The following NRXN3 variants were observed in gnomAD, a reference collection of about 807,000 sequenced individuals.
NRXN3 encodes neurexin 3.
A neutral mutation model predicts 137.6 loss-of-function variants in NRXN3; 32 were observed. That is an observed-to-expected ratio of 0.23 (90% CI 0.18 to 0.31). NRXN3 has a LOEUF of 0.31. NRXN3 is among the 10% of genes least tolerant of loss of function. The pLI, the probability that NRXN3 is intolerant of heterozygous loss-of-function variation, is 1.00. For synonymous variants in NRXN3, 798 were observed against 784.5 expected, an observed-to-expected ratio of 1.02 and a Z score of -0.29; for missense variants, 1,574 against 2,062.5, an observed-to-expected ratio of 0.76 and a Z score of 4.59.
At chr14:79,651,918 A>G (rs1212338168) in intron 16 of NRXN3, among the ~76,000 whole-genome samples, 1 of 152,178 alleles carries the variant, frequency 6.6e-6, no homozygotes, top group Non-Finnish European at 1.5e-5. Context: ...TTCATGCTGG[A>G]ATCCATAGTT....
chr14:79,365,582 G>T (rs1444952184), intron 15 of NRXN3, among the ~76,000 whole-genome samples: 1 of 150,850 alleles, frequency 6.6e-6, no homozygotes, highest in Non-Finnish European at 1.5e-5. Context: ...AGCCGGGCGC[G>T]GTGGCGGGCG....
intron 10 of NRXN3, among the ~76,000 whole-genome samples, chr14:78,926,660 T>G: frequency 1.2e-5 from 1 of 83,564 alleles, no homozygotes; most frequent in Non-Finnish European, 2.6e-5. Flanking sequence ...TATATATATT[T>G]ATTATATATA....
At chr14:78,714,632 A>G in intron 7 of NRXN3, 124 bp from the exon 8 acceptor site, 1 of 1,089,828 alleles carries the variant, frequency 9.2e-7, no homozygotes, top group Non-Finnish European at 1.3e-6. Context: ...GTAACATCTA[A>G]TTCTCTTGCT....
chr14:79,297,196 G>A (rs2084331361), intron 15 of NRXN3, among the ~76,000 whole-genome samples: 1 of 152,128 alleles, frequency 6.6e-6, no homozygotes, highest in East Asian at 1.9e-4. Flanking sequence ...ACTCTCTCCT[G>A]TTGCTCATTT....
chr14:79,330,987 G>T (rs1364142594), intron 15 of NRXN3, among the ~76,000 whole-genome samples: 1 of 151,998 alleles, frequency 6.6e-6, no homozygotes, highest in Non-Finnish European at 1.5e-5. Flanking sequence ...TTTTATTTTG[G>T]CTAAACGAGT....
At chr14:78,905,625 G>A (rs773222668) in intron 10 of NRXN3, among the ~76,000 whole-genome samples, 2 of 151,804 alleles carry the variant, frequency 1.3e-5, no homozygotes, top group Non-Finnish European at 2.9e-5. Flanking sequence ...TTCTTTCCCA[G>A]CACCTAATGT....
chr14:79,663,705 T>G, intron 16 of NRXN3, 73 bp from the exon 17 acceptor site: 1 of 1,355,880 alleles, frequency 7.4e-7, no homozygotes, highest in Admixed American at 2.0e-5. Context: ...TATTGCTGGT[T>G]GGAGGATCAA....
chr14:79,795,790 A>T (rs919318481), intron 19 of NRXN3, among the ~76,000 whole-genome samples: 1 of 152,094 alleles, frequency 6.6e-6, no homozygotes, highest in Admixed American at 6.5e-5. Flanking sequence ...TATTCACTTC[A>T]TTGCATTTGA....
At chr14:79,656,983 C>G (rs1398664852) in intron 16 of NRXN3, among the ~76,000 whole-genome samples, 1 of 152,108 alleles carries the variant, frequency 6.6e-6, no homozygotes, top group African/African-American at 2.4e-5. Flanking sequence ...AGGGAGTGTG[C>G]AAATGCCTCT....
At chr14:79,246,480 C>T (rs2075204749) in intron 15 of NRXN3, among the ~76,000 whole-genome samples, 1 of 152,150 alleles carries the variant, frequency 6.6e-6, no homozygotes, top group South Asian at 2.1e-4. Flanking sequence ...TCCTCTCCAT[C>T]CAGTGGAATC....
intron 4 of NRXN3, among the ~76,000 whole-genome samples, chr14:78,427,952 A>T (rs1054717984): frequency 1.3e-5 from 2 of 152,232 alleles, no homozygotes; most frequent in Non-Finnish European, 2.9e-5. Flanking sequence ...GGCAGTGCTT[A>T]GGCACCAAAT....
chr14:79,003,984 A>G (rs2099547113), intron 15 of NRXN3, among the ~76,000 whole-genome samples: 1 of 152,172 alleles, frequency 6.6e-6, no homozygotes, highest in South Asian at 2.1e-4. Flanking sequence ...GTGGAGAAAG[A>G]ATTCAAAAAA....
intron 9 of NRXN3, among the ~76,000 whole-genome samples, chr14:78,805,822 GACAGGTCTC>G (rs2098863086): frequency 6.6e-6 from 1 of 152,040 alleles, no homozygotes; most frequent in African/African-American, 2.4e-5. Context: ...TGTCAACTTT[GACAGGTCTC>G]ACATCTTAGA....
At chr14:79,198,002 C>G (rs1218946213) in intron 15 of NRXN3, among the ~76,000 whole-genome samples, 2 of 152,176 alleles carry the variant, frequency 1.3e-5, no homozygotes, top group African/African-American at 4.8e-5. Context: ...CTACTCTTTG[C>G]TCATCTATAA....
At chr14:79,661,500 C>A (rs540181406) in intron 16 of NRXN3, among the ~76,000 whole-genome samples, 36 of 152,142 alleles carry the variant, frequency 2.4e-4, no homozygotes, top group Non-Finnish European at 4.7e-4. Context: ...TTGAGGAAAG[C>A]CTTCATTTTG....
intron 16 of NRXN3, among the ~76,000 whole-genome samples, chr14:79,608,981 A>C (rs1321300510): frequency 3.9e-5 from 6 of 152,198 alleles, no homozygotes; most frequent in Non-Finnish European, 8.8e-5. Context: ...CTAGATCTAT[A>C]ATGTTTATTG....
intron 4 of NRXN3, among the ~76,000 whole-genome samples, chr14:78,546,354 C>T (rs2096636527): frequency 6.6e-6 from 1 of 152,184 alleles, no homozygotes; most frequent in African/African-American, 2.4e-5. Flanking sequence ...GGCCATTTAG[C>T]TGAGCACTTC....
chr14:78,264,310 C>G (rs1443460329), intron 2 of NRXN3, among the ~76,000 whole-genome samples: 1 of 152,118 alleles, frequency 6.6e-6, no homozygotes, highest in Non-Finnish European at 1.5e-5. Flanking sequence ...TTCCACTGAC[C>G]CAGCCTCCCC....
intron 7 of NRXN3, 123 bp downstream of exon 7, chr14:78,709,778 T>C (rs1040321495): frequency 1.2e-6 from 1 of 840,520 alleles, no homozygotes; most frequent in East Asian, 2.6e-5. Flanking sequence ...GCTACTCTCT[T>C]TAATGGCTGT....
Sources: allele counts gnomAD v4.1 joint callset (sites outside exome capture counted in the v4.1 genomes callset), GRCh38; gene constraint gnomAD v4.1.1; transcripts MANE v1.5; gene names NCBI Gene and HGNC (gene_info 2026-07-23, HGNC 2026-07-21).